CEP41: variants seen among roughly 807,000 people sequenced by gnomAD.
CEP41 encodes centrosomal protein of 41 kDa.
Under a neutral mutation model 44.3 loss-of-function variants are expected in CEP41, and 32 were observed. That is an observed-to-expected ratio of 0.72 (90% CI 0.54 to 0.97). The LOEUF (loss-of-function observed/expected upper bound fraction) is 0.97, where lower values mean the gene tolerates loss of function less well. CEP41 is among the 50% of genes least tolerant of loss of function. The pLI, the probability that CEP41 is intolerant of heterozygous loss-of-function variation, is 0.00. For synonymous variants in CEP41, 151 were observed against 168.5 expected, an observed-to-expected ratio of 0.90 and a Z score of 0.80; for missense variants, 432 against 455.2, an observed-to-expected ratio of 0.95 and a Z score of 0.46.
In CEP41 at chr7:130,394,470, CCTA is replaced by C; in HGVS notation, c.*4418_*4420del. The C allele has an allele frequency of 2.2e-6, 1 of 454,014 alleles. No homozygotes were observed. The highest frequency in any genetic ancestry group is 4.4e-6 in the Non-Finnish European group (1 of 226,772). 28.1% of individuals were successfully genotyped at this position (454,014 alleles called of 1,614,324 possible). A position where few individuals can be genotyped will look rare whatever the true frequency, so the allele number is the denominator to read the frequency against. ...TCAAGATTTGAAACAAAAGAGAAAA[CCTA>C]CTCTTAAGATGGGGGTGGTGTGTGA... is the stretch of plus-strand genomic sequence containing the variant. On this transcript the variant is annotated 3_prime_UTR_variant, in exon 11 of 11. Coordinates refer to ENST00000223208, the MANE Select transcript of CEP41 (RefSeq NM_018718.3).
In CEP41 at chr7:130,395,086, A is replaced by T. The variant is rs1163682322; in HGVS notation, c.*3805T>A. The stretch of plus-strand genomic sequence containing the variant: ...CCGAATCCTGTTCTGCCTGAATTCA[A>T]GGCTGACAAATTTCCACCATTACAT... On this transcript the variant is annotated 3_prime_UTR_variant, in exon 11 of 11. Transcript: ENST00000223208. The T allele has an allele frequency of 1.8e-5, 8 of 453,982 alleles. No individual in the cohort carries two copies. Among genetic ancestry groups the T allele is most frequent in the African/African-American group, 1.0e-4 (5 of 50,006 alleles). The allele number at this position is 453,982 out of a possible 1,614,324, so 28.1% of individuals were successfully genotyped here. A position where few individuals can be genotyped will look rare whatever the true frequency, so the allele number is the denominator to read the frequency against.
intron 1 of CEP41, among the ~76,000 whole-genome samples, chr7:130,432,320 A>G (rs782680075): frequency 5.3e-5 from 8 of 152,164 alleles, no homozygotes; most frequent in Non-Finnish European, 1.2e-4. Flanking sequence ...TGTTAAATCA[A>G]TATAATTTAA....
intron 3 of CEP41, among the ~76,000 whole-genome samples, chr7:130,414,070 C>G (rs1554420361): frequency 6.6e-6 from 1 of 152,224 alleles, no homozygotes; most frequent in Non-Finnish European, 1.5e-5. Flanking sequence ...AAAACCAGCA[C>G]AGACCTTAAG....
rs1327938380 is a variant in CEP41, at chr7:130,394,223, C to T, written c.*4668G>A. On this transcript the variant is annotated 3_prime_UTR_variant, in exon 11 of 11. Transcript: ENST00000223208. ...AAGAACACCCTCTGGAGCCACAGTTCTCAGGCTGGCTCCTGGCTTTTCAAA... is the reference window on the plus strand; with the variant it reads ...AAGAACACCCTCTGGAGCCACAGTTTTCAGGCTGGCTCCTGGCTTTTCAAA... 1 of 453,970 alleles carries T rather than the reference C, an allele frequency of 2.2e-6. No individual in the cohort carries two copies. The highest frequency in any genetic ancestry group is 2.0e-5 in the African/African-American group (1 of 49,994). 28.1% of individuals were successfully genotyped at this position (453,970 alleles called of 1,614,324 possible).
In CEP41 at chr7:130,398,770, A is replaced by G. The variant is rs1796749421; in HGVS notation, c.*121T>C. On this transcript the variant is annotated 3_prime_UTR_variant, in exon 11 of 11. Coordinates refer to ENST00000223208, the MANE Select transcript of CEP41 (RefSeq NM_018718.3). ...GGAGACAGGGACAGGGAAGAGGCCT[A>G]TCCCATACATATGTCATGGTCTTTC... 3 of 1,159,832 alleles carry G rather than the reference A, an allele frequency of 2.6e-6. No homozygotes were observed. In the South Asian group the frequency reaches 3.7e-5, roughly 14 times the overall value. The allele number at this position is 1,159,832 out of a possible 1,614,324, so 71.8% of individuals were successfully genotyped here.
intron 1 of CEP41, among the ~76,000 whole-genome samples, chr7:130,433,093 C>T (rs1311276971): frequency 6.6e-6 from 1 of 152,104 alleles, no homozygotes; most frequent in Admixed American, 6.5e-5. Context: ...AACAAGTGAA[C>T]AAGAATGCTG....
chr7:130,409,741 T>C (rs1341367917), intron 5 of CEP41, among the ~76,000 whole-genome samples: 1 of 152,216 alleles, frequency 6.6e-6, no homozygotes, highest in African/African-American at 2.4e-5. Flanking sequence ...ATTCTTTTCA[T>C]GAGAGTACAA....
chr7:130,417,729 CT>C (rs1390807410), intron 2 of CEP41, among the ~76,000 whole-genome samples: 1 of 152,178 alleles, frequency 6.6e-6, no homozygotes, highest in Non-Finnish European at 1.5e-5. Context: ...ACTGGGTATG[CT>C]TCGATTTGAT....
Position 130,398,391 on chromosome 7 carries a change from G to T in CEP41, c.*500C>A, listed in dbSNP as rs559935453. 5 of 453,826 alleles carry T rather than the reference G, an allele frequency of 1.1e-5. No individual in the cohort carries two copies. Among genetic ancestry groups the T allele is most frequent in the Non-Finnish European group, 2.2e-5 (5 of 226,784 alleles). 28.1% of individuals were successfully genotyped at this position (453,826 alleles called of 1,614,324 possible). A position where few individuals can be genotyped will look rare whatever the true frequency, so the allele number is the denominator to read the frequency against. ...GCCTGCTGGGGTGGGGTCTGCAGGC[G>T]GCTGGAACCTAAGGCTCATCTGCAC... On this transcript the variant is annotated 3_prime_UTR_variant, in exon 11 of 11. Coordinates refer to ENST00000223208, the MANE Select transcript of CEP41 (RefSeq NM_018718.3).
rs1554415927 is a variant in CEP41, at chr7:130,398,616, C to G, written c.*275G>C. The G allele has an allele frequency of 1.6e-6, 1 of 622,014 alleles. No homozygotes were observed. Among genetic ancestry groups the G allele is most frequent in the South Asian group, 1.5e-5 (1 of 66,862 alleles). The allele number at this position is 622,014 out of a possible 1,614,324, so 38.5% of individuals were successfully genotyped here. ...AACTAAAAACGTAGATACTTTTTTCCTATACAGTTTCACAAGACTTAAATA... is the reference window on the plus strand; with the variant it reads ...AACTAAAAACGTAGATACTTTTTTCGTATACAGTTTCACAAGACTTAAATA... On this transcript the variant is annotated 3_prime_UTR_variant, in exon 11 of 11. Coordinates refer to ENST00000223208, the MANE Select transcript of CEP41 (RefSeq NM_018718.3).
At chr7:130,404,007 A>G (rs1222286885) in intron 6 of CEP41, among the ~76,000 whole-genome samples, 3 of 152,242 alleles carry the variant, frequency 2.0e-5, no homozygotes, top group Admixed American at 6.5e-5. Flanking sequence ...AATATTAGTT[A>G]GAAAGTACTA....
intron 6 of CEP41, among the ~76,000 whole-genome samples, chr7:130,403,533 A>T (rs1796918363): frequency 6.6e-6 from 1 of 152,244 alleles, no homozygotes; most frequent in African/African-American, 2.4e-5. Context: ...AGTAATAACA[A>T]GACTAGGTGT....
intron 2 of CEP41, among the ~76,000 whole-genome samples, chr7:130,425,566 G>T (rs141246509): frequency 6.6e-6 from 1 of 152,156 alleles, no homozygotes; most frequent in East Asian, 1.9e-4. Context: ...ATGTAAAATG[G>T]TACAGTCACT....
chr7:130,400,329 A>G (rs1240470440), intron 9 of CEP41, 75 bp from the exon 10 acceptor site: 9 of 980,106 alleles, frequency 9.2e-6, no homozygotes, highest in Non-Finnish European at 1.5e-5. Context: ...AGAAGCCTGC[A>G]TGTCTTCTAA....
At chr7:130,441,471 A>C (rs971823533), upstream of CEP41, among the ~76,000 whole-genome samples, 6 of 152,256 alleles carry the variant, frequency 3.9e-5, no homozygotes, top group Non-Finnish European at 7.3e-5. Context: ...TTCAGCAGAA[A>C]TGGGAGAGTA....
chr7:130,408,008 C>T (rs1211147862), intron 5 of CEP41, among the ~76,000 whole-genome samples: 1 of 151,994 alleles, frequency 6.6e-6, no homozygotes, highest in African/African-American at 2.4e-5. Flanking sequence ...GGATCATGTG[C>T]ACGAGGTAAA....
At chr7:130,407,767 A>G (rs782307910) in intron 5 of CEP41, among the ~76,000 whole-genome samples, 1 of 152,198 alleles carries the variant, frequency 6.6e-6, no homozygotes, top group African/African-American at 2.4e-5. Flanking sequence ...CCAACACTGA[A>G]TTTTATGAGT....
intron 2 of CEP41, 36 bp downstream of exon 2, chr7:130,427,919 A>AT (rs782185526): frequency 2.7e-5 from 38 of 1,416,990 alleles, no homozygotes; most frequent in Middle Eastern, 1.8e-4. Flanking sequence ...TAGCTATTAG[A>AT]TTTTTTTTAA....
In CEP41 at chr7:130,398,791, C is replaced by T. The variant is rs782215910; in HGVS notation, c.*100G>A. 1.4e-6 allele frequency: 2 copies of T among 1,391,940 alleles called. No homozygotes were observed. Among genetic ancestry groups the T allele is most frequent in the African/African-American group, 1.4e-5 (1 of 70,736 alleles). 86.2% of individuals were successfully genotyped at this position (1,391,940 alleles called of 1,614,324 possible). ...GCCTATCCCATACATATGTCATGGT[C>T]TTTCCTCTGCAGAAGTTTCTGGAAA... On this transcript the variant is annotated 3_prime_UTR_variant, in exon 11 of 11. Transcript: ENST00000223208.
Sources: allele counts gnomAD v4.1 joint callset (sites outside exome capture counted in the v4.1 genomes callset), GRCh38; gene constraint gnomAD v4.1.1; transcripts MANE v1.5; gene names NCBI Gene and HGNC (gene_info 2026-07-23, HGNC 2026-07-21).